FREM2: variants seen among roughly 807,000 people sequenced by gnomAD.
FREM2 encodes FRAS1 related extracellular matrix 2, also known as FRAS1-related extracellular matrix protein 2.
Under a neutral mutation model 219.9 loss-of-function variants are expected in FREM2, and 119 were observed. That is an observed-to-expected ratio of 0.54 (90% CI 0.47 to 0.63). The LOEUF is 0.63. Ranked by LOEUF, FREM2 falls within the 30% of genes least tolerant of loss-of-function variation. The pLI is 0.00. For missense variants in FREM2, 4,030 were observed against 3,993.6 expected (o/e 1.01, Z -0.25); for synonymous variants, 1,562 against 1,522.8 (o/e 1.03, Z -0.60).
chr13:38,746,149 T>C (rs1443982195), intron 2 of FREM2, among the ~76,000 whole-genome samples: 1 of 152,226 alleles, frequency 6.6e-6, no homozygotes, highest in African/African-American at 2.4e-5. Flanking sequence ...CCTAAATTGG[T>C]CTTTAGACCA....
chr13:38,775,330 T>G (rs12584459), intron 4 of FREM2, among the ~76,000 whole-genome samples: 24,047 of 152,210 alleles, frequency 0.16, 2,154 homozygotes, highest in East Asian at 0.41. Flanking sequence ...ACGCTGCAGA[T>G]GATGATACAG....
rs889521414 is a variant in FREM2 at position 38,696,443 on chromosome 13, G to A, written c.5174-1255G>A. 2.6e-5 allele frequency among the ~76,000 whole-genome samples: 4 copies of A among 152,212 alleles called. No individual in the cohort carries two copies. In the East Asian group the frequency reaches 5.8e-4, roughly 22 times the overall value. On this transcript the variant is annotated intron_variant, in intron 1 of 23. Coordinates refer to ENST00000280481, the MANE Select transcript of FREM2 (RefSeq NM_207361.6). ...TATAAGCCTTTGAATTCCATAGCAT[G>A]AACTTACTAGAGCTTTTAGGAGATG...
chr13:38,722,731 G>GTGTAGC (rs969306618), intron 2 of FREM2, among the ~76,000 whole-genome samples: 1 of 146,382 alleles, frequency 6.8e-6, no homozygotes, highest in East Asian at 2.1e-4. Context: ...CAAGCAGAGG[G>GTGTAGC]TGTAGCTGGT....
chr13:38,845,501 C>T lies in FREM2; in HGVS notation c.6020-1072C>T, dbSNP rs148800623. 2.3e-4 allele frequency among the ~76,000 whole-genome samples: 35 copies of T among 152,244 alleles called. No homozygotes were observed. In the East Asian group the frequency reaches 2.5e-3, roughly 11 times the overall value. On this transcript the variant is annotated intron_variant, in intron 6 of 23. Coordinates refer to ENST00000280481, the MANE Select transcript of FREM2 (RefSeq NM_207361.6). ...ATCTGTCAAGTCAAAGGGTTGTTCA[C>T]CTTATGTGTGTACATTCACCTGTGT...
intron 2 of FREM2, among the ~76,000 whole-genome samples, chr13:38,754,989 G>A (rs1409003663): frequency 6.6e-6 from 1 of 151,522 alleles, no homozygotes; most frequent in Non-Finnish European, 1.5e-5. Flanking sequence ...TGCAACCTCT[G>A]CCTCCCAGGT....
intron 2 of FREM2, among the ~76,000 whole-genome samples, chr13:38,763,477 T>TTTTTTTTTTTTA (rs61540446): frequency 2.0e-5 from 3 of 150,060 alleles, no homozygotes; most frequent in African/African-American, 4.9e-5. Flanking sequence ...TTTTTTTTTT[T>TTTTTTTTTTTTA]ACACCCTCTT....
intron 6 of FREM2, among the ~76,000 whole-genome samples, chr13:38,829,721 AT>A (rs147504864): frequency 0.015 from 2,307 of 151,534 alleles, 56 homozygotes; most frequent in East Asian, 0.11. Flanking sequence ...TCTATGAATA[AT>A]TTTTTTATTT....
chr13:38,848,843 G>C (rs1336637379), intron 8 of FREM2, among the ~76,000 whole-genome samples, 173 bp downstream of exon 8: 1 of 152,172 alleles, frequency 6.6e-6, no homozygotes, highest in Non-Finnish European at 1.5e-5. Context: ...TCTCATAGCT[G>C]TTGGCTGGAA....
At chr13:38,730,231 C>T (rs1182755440) in intron 2 of FREM2, among the ~76,000 whole-genome samples, 1 of 152,106 alleles carries the variant, frequency 6.6e-6, no homozygotes. Flanking sequence ...CTGCTCAGTA[C>T]GTTTATGATA....
intron 6 of FREM2, among the ~76,000 whole-genome samples, chr13:38,801,513 T>C (rs1360954615): frequency 6.6e-6 from 1 of 152,216 alleles, no homozygotes; most frequent in Non-Finnish European, 1.5e-5. Context: ...TGACGATCTA[T>C]ATATGGTTTT....
At position 38,884,819 on chromosome 13, in the gene FREM2, A is replaced by G. The variant is rs1040958831; in HGVS notation, c.*4032A>G. 21 of 152,206 alleles carry G rather than the reference A, an allele frequency of 1.4e-4. No homozygotes were observed. Among genetic ancestry groups the G allele is most frequent in the African/African-American group, 5.1e-4 (21 of 41,458 alleles). The allele number at this position is 152,206 out of a possible 1,614,324, so 9.4% of individuals were successfully genotyped here. A position where few individuals can be genotyped will look rare whatever the true frequency, so the allele number is the denominator to read the frequency against. Reference sequence around the variant, plus strand: ...AATAACCAAACATCTCATTTCTAGGAAAGAGATAACACTAAAGGCATCATA... The same window carrying G: ...AATAACCAAACATCTCATTTCTAGGGAAGAGATAACACTAAAGGCATCATA... On this transcript the variant is annotated 3_prime_UTR_variant, in exon 24 of 24. Coordinates refer to ENST00000280481, the MANE Select transcript of FREM2 (RefSeq NM_207361.6).
intron 1 of FREM2, 104 bp from the exon 2 acceptor site, chr13:38,697,594 T>A (rs1870163714): frequency 1.4e-6 from 1 of 731,244 alleles, no homozygotes; most frequent in Non-Finnish European, 2.5e-6. Context: ...GAAAAAGGAA[T>A]TTAAACATGT....
chr13:38,695,605 G>A (rs1870077514), intron 1 of FREM2, among the ~76,000 whole-genome samples: 2 of 152,130 alleles, frequency 1.3e-5, no homozygotes, highest in South Asian at 4.1e-4. Flanking sequence ...TTGAAGGGGT[G>A]GGAACATTGG....
chr13:38,688,303 CCA>C lies in FREM2; in HGVS notation c.960_961del (p.Ser321PhefsTer28). 6.2e-7 allele frequency: 1 copy of C among 1,614,180 alleles called. No homozygotes were observed. Among genetic ancestry groups the C allele is most frequent in the Non-Finnish European group, 8.5e-7 (1 of 1,180,042 alleles). On this transcript the variant is annotated frameshift_variant, in exon 1 of 24. Coordinates refer to ENST00000280481, the MANE Select transcript of FREM2 (RefSeq NM_207361.6). LOFTEE classifies it high-confidence loss of function. Reference sequence around the variant, plus strand: ...GGGGCCGAGAACACTGCACCCAAGCCCAGTTTCGTGGCCATGATGATGATGGA... The same window carrying C: ...GGGGCCGAGAACACTGCACCCAAGCCGTTTCGTGGCCATGATGATGATGGA...
At chr13:38,782,301 G>C (rs1486043671) in intron 4 of FREM2, among the ~76,000 whole-genome samples, 1 of 151,994 alleles carries the variant, frequency 6.6e-6, no homozygotes, top group East Asian at 1.9e-4. Flanking sequence ...TGTACTAAAT[G>C]GTTGTTATTG....
chr13:38,750,263 G>A (rs1347586114), intron 2 of FREM2, among the ~76,000 whole-genome samples: 2 of 152,152 alleles, frequency 1.3e-5, no homozygotes, highest in Non-Finnish European at 2.9e-5. Flanking sequence ...GGAGGTAACT[G>A]AATCATGAGG....
chr13:38,692,600 A>T (rs2138073476), intron 1 of FREM2, 83 bp downstream of exon 1: 1 of 1,480,232 alleles, frequency 6.8e-7, no homozygotes, highest in Non-Finnish European at 9.3e-7. Flanking sequence ...AGAGCATTAA[A>T]TTAGAGTCCA....
chr13:38,812,987 T>G (rs1409185202), intron 6 of FREM2, among the ~76,000 whole-genome samples: 2 of 152,120 alleles, frequency 1.3e-5, no homozygotes, highest in East Asian at 1.9e-4. Context: ...TTTAGCTTTT[T>G]GCTGTTTCTT....
At chr13:38,853,253 G>A (rs1037312928) in intron 11 of FREM2, among the ~76,000 whole-genome samples, 7 of 149,426 alleles carry the variant, frequency 4.7e-5, no homozygotes, top group South Asian at 2.1e-4. Flanking sequence ...GCTTGAACCC[G>A]GAAAGCAGAG....
Sources: gnomAD v4.1 joint callset for allele counts (sites outside exome capture counted in the v4.1 genomes callset) on GRCh38, gnomAD v4.1.1 for gene constraint, MANE v1.5 for transcripts, NCBI Gene and HGNC (gene_info 2026-07-23, HGNC 2026-07-21) for gene names.